The following DLGAP2 variants were observed in gnomAD, a reference collection of about 807,000 sequenced individuals.
The protein encoded by DLGAP2 is disks large-associated protein 2.
DLGAP2 carries 26 observed loss-of-function variants against 100.3 expected under a neutral mutation model. That is an observed-to-expected ratio of 0.26 (90% confidence interval 0.19 to 0.36). DLGAP2 has a LOEUF of 0.36. Ranked by LOEUF, DLGAP2 falls within the 10% of genes least tolerant of loss-of-function variation. The pLI is 1.00. For synonymous variants in DLGAP2, 886 were observed against 630.1 expected (o/e 1.41, Z -6.08); for missense variants, 1,858 against 1,453.2 (o/e 1.28, Z -4.53).
intron 2 of DLGAP2, among the ~76,000 whole-genome samples, chr8:1,098,173 G>C (rs546844587): frequency 6.6e-6 from 1 of 152,374 alleles, no homozygotes; most frequent in South Asian, 2.1e-4. Context: ...TCCCGGCCTT[G>C]GAGCTGGACT....
At chr8:988,093 C>T (rs1188037261) in intron 2 of DLGAP2, among the ~76,000 whole-genome samples, 3 of 152,008 alleles carry the variant, frequency 2.0e-5, no homozygotes, top group Non-Finnish European at 4.4e-5. Context: ...TCTCATAGGC[C>T]CTGATGGGAG....
intron 1 of DLGAP2, among the ~76,000 whole-genome samples, chr8:816,956 CG>C (rs1416400072): frequency 7.9e-5 from 12 of 152,094 alleles, no homozygotes; most frequent in African/African-American, 2.7e-4. Flanking sequence ...CTGACTAACA[CG>C]GTGAAACCCT....
intron 2 of DLGAP2, among the ~76,000 whole-genome samples, chr8:1,088,835 A>C (rs144405124): frequency 3.8e-5 from 1 of 26,196 alleles, no homozygotes; most frequent in Non-Finnish European, 8.1e-5. Flanking sequence ...AGGCTATGCC[A>C]TTCTCGCTCC....
At chr8:1,090,545 G>A (rs530531060) in intron 2 of DLGAP2, among the ~76,000 whole-genome samples, 6 of 152,374 alleles carry the variant, frequency 3.9e-5, no homozygotes, top group African/African-American at 1.4e-4. Flanking sequence ...GCCTGAGTGG[G>A]AGGTTTGAGA....
chr8:1,012,547 G>A (rs371272101), intron 2 of DLGAP2, among the ~76,000 whole-genome samples: 1 of 116,724 alleles, frequency 8.6e-6, no homozygotes, highest in Admixed American at 1.1e-4. Context: ...CCACTTCAGC[G>A]GCAGTGTAGA....
intron 3 of DLGAP2, among the ~76,000 whole-genome samples, chr8:1,439,155 G>GCTGA (rs1313845684): frequency 3.3e-5 from 5 of 152,124 alleles, no homozygotes; most frequent in Admixed American, 3.3e-4. Context: ...AGCGTTAAGT[G>GCTGA]CTGAGAATTT....
chr8:904,450 G>T (rs1798333128), intron 1 of DLGAP2, among the ~76,000 whole-genome samples: 1 of 152,194 alleles, frequency 6.6e-6, no homozygotes, highest in African/African-American at 2.4e-5. Flanking sequence ...AACCCAGGAG[G>T]TGGAGGTTGC....
intron 4 of DLGAP2, among the ~76,000 whole-genome samples, chr8:1,510,576 G>A (rs901497450): frequency 1.4e-4 from 22 of 152,332 alleles, no homozygotes; most frequent in African/African-American, 5.3e-4. Context: ...GGCTCCCTGC[G>A]TTCTGGTGCC....
At chr8:959,200 A>T (rs17065492) in intron 2 of DLGAP2, among the ~76,000 whole-genome samples, 1 of 152,200 alleles carries the variant, frequency 6.6e-6, no homozygotes, top group Admixed American at 6.5e-5. Context: ...CGTCTCCAAA[A>T]GACATGTAAA....
intron 2 of DLGAP2, among the ~76,000 whole-genome samples, chr8:1,226,172 C>A (rs750183295): frequency 6.6e-6 from 1 of 151,980 alleles, no homozygotes; most frequent in Non-Finnish European, 1.5e-5. Context: ...AAGATGCATG[C>A]GCACGTATGT....
Position 915,655 on chromosome 8 carries a change from G to C in DLGAP2, c.73+7689G>C, listed in dbSNP as rs1223174283. 2.0e-5 allele frequency among the ~76,000 whole-genome samples: 3 copies of C among 152,268 alleles called. No individual in the cohort carries two copies. The South Asian group carries it at 6.2e-4, about 32-fold the overall frequency. ...CTGGAATTCCCGAATCACACGGCTG[G>C]TCATGCGTTTGCCTTAGCTTTTGGA... On this transcript the variant is annotated intron_variant, in intron 2 of 14. Transcript: ENST00000637795.
intron 1 of DLGAP2, among the ~76,000 whole-genome samples, chr8:831,366 GC>G (rs112931515): frequency 0.23 from 35,072 of 151,670 alleles, 4,467 homozygotes; most frequent in Non-Finnish European, 0.3. Flanking sequence ...CCCTACCCCA[GC>G]CCCCCATCCC....
intron 14 of DLGAP2, among the ~76,000 whole-genome samples, chr8:1,700,694 G>A (rs1260080373): frequency 1.3e-5 from 2 of 152,166 alleles, no homozygotes; most frequent in African/African-American, 4.8e-5. Flanking sequence ...AGCGAATCGG[G>A]CCAGTGTTTC....
chr8:1,094,860 G>A (rs1804313796), intron 2 of DLGAP2, among the ~76,000 whole-genome samples: 1 of 152,230 alleles, frequency 6.6e-6, no homozygotes, highest in South Asian at 2.1e-4. Context: ...CAAACGTCCT[G>A]ACCCCTTGGG....
chr8:1,421,632 T>A (rs146201589), intron 3 of DLGAP2, among the ~76,000 whole-genome samples: 2 of 152,172 alleles, frequency 1.3e-5, no homozygotes, highest in Non-Finnish European at 2.9e-5. Context: ...AAATAGAGAT[T>A]AGTGATGATC....
intron 1 of DLGAP2, among the ~76,000 whole-genome samples, chr8:815,488 A>G (rs1488093572): frequency 6.6e-6 from 1 of 152,226 alleles, no homozygotes; most frequent in African/African-American, 2.4e-5. Flanking sequence ...TTGAGGGAAA[A>G]TCCTTTCAGA....
At chr8:1,191,401 A>T (rs1476045140) in intron 2 of DLGAP2, among the ~76,000 whole-genome samples, 3 of 152,060 alleles carry the variant, frequency 2.0e-5, no homozygotes. Flanking sequence ...TGATCTCCTG[A>T]CCTTGTGATC....
intron 2 of DLGAP2, among the ~76,000 whole-genome samples, chr8:1,197,205 A>G (rs1440917258): frequency 6.6e-6 from 1 of 152,158 alleles, no homozygotes; most frequent in East Asian, 1.9e-4. Flanking sequence ...ATGTTCCCAC[A>G]TTGCAGAGTC....
intron 2 of DLGAP2, among the ~76,000 whole-genome samples, chr8:1,039,311 TCGG>T: frequency 6.7e-6 from 1 of 148,302 alleles, no homozygotes; most frequent in African/African-American, 2.6e-5. Flanking sequence ...CATGGTCAGC[TCGG>T]TGTGCGTGGT....
Sources: gnomAD v4.1 joint callset for allele counts (sites outside exome capture counted in the v4.1 genomes callset) on GRCh38, gnomAD v4.1.1 for gene constraint, MANE v1.5 for transcripts, NCBI Gene and HGNC (gene_info 2026-07-23, HGNC 2026-07-21) for gene names.